Variants in TMPRSS9 observed in about 807,000 individuals in gnomAD.
The protein encoded by TMPRSS9 is transmembrane serine protease 9, also known as transmembrane protease serine 9.
TMPRSS9 carries 113 observed loss-of-function variants against 111.4 expected under a neutral mutation model. The observed-to-expected ratio is 1.01, with a 90% CI of 0.87 to 1.19. TMPRSS9 has a LOEUF of 1.19. Ranked by LOEUF, TMPRSS9 falls within the 50% of genes most tolerant of loss-of-function variation. The probability of loss-of-function intolerance (pLI) is 0.00; values close to 1 mark genes in which losing one functional copy is unlikely to be tolerated. For synonymous variants in TMPRSS9, 805 were observed against 659.1 expected (o/e 1.22, Z -3.39); for missense variants, 1,803 against 1,513.1 (o/e 1.19, Z -3.18).
intron 15 of TMPRSS9, 67 bp downstream of exon 16, chr19:2,424,324 C>G (rs1568194296): frequency 7.8e-7 from 1 of 1,276,050 alleles, no homozygotes. Context: ...AACTGTTGCC[C>G]GAAAACGCAC....
intron 10 of TMPRSS9, among the ~76,000 whole-genome samples, chr19:2,415,192 G>A (rs1348854149): frequency 1.3e-5 from 2 of 151,918 alleles, no homozygotes; most frequent in African/African-American, 2.4e-5. Flanking sequence ...TGATCTGCCC[G>A]CCTTGGCCTC....
At position 2,415,960 on chromosome 19, in the gene TMPRSS9, T is replaced by G. The variant is rs546516567; in HGVS notation, c.1745+119T>G. On this transcript the variant is annotated intron_variant, in intron 11 of 17. Coordinates refer to ENST00000648592, the Ensembl canonical transcript of TMPRSS9. ...CCCCACTGGGGAGCAGCCCTTCCTC[T>G]CCTGAGGGCAGCTGAGAGACAGGAG... 7.1e-5 allele frequency: 86 copies of G among 1,210,968 alleles called. No individual in the cohort carries two copies. In the African/African-American group the frequency reaches 1.3e-3, roughly 18 times the overall value. 75.0% of individuals were successfully genotyped at this position (1,210,968 alleles called of 1,614,324 possible). A position where few individuals can be genotyped will look rare whatever the true frequency, so the allele number is the denominator to read the frequency against.
intron 1 of TMPRSS9, among the ~76,000 whole-genome samples, chr19:2,365,621 CAAAA>C (rs371800974): frequency 7.6e-6 from 1 of 131,068 alleles, no homozygotes; most frequent in East Asian, 1.9e-4. Context: ...AACAAACAAA[CAAAA>C]AAAACAAAAA....
intron 12 of TMPRSS9, 47 bp downstream of exon 13, chr19:2,416,856 C>A (rs746800889): frequency 1.9e-6 from 3 of 1,559,534 alleles, no homozygotes; most frequent in Non-Finnish European, 1.7e-6. Flanking sequence ...TTCTCCAGGG[C>A]CTGGCCTGGG....
At chr19:2,381,832 A>ATTCC (rs1970388824) in intron 1 of TMPRSS9, among the ~76,000 whole-genome samples, 1 of 121,766 alleles carries the variant, frequency 8.2e-6, no homozygotes, top group Admixed American at 9.3e-5. Flanking sequence ...GTATTCATTC[A>ATTCC]TTCATTCATT....
intron 4 of TMPRSS9, 82 bp from the exon 6 acceptor site, chr19:2,401,893 C>T: frequency 1.6e-6 from 2 of 1,236,272 alleles, no homozygotes; most frequent in Admixed American, 2.1e-5. Flanking sequence ...CAGGTGTGAG[C>T]CACCGCGCCC....
chr19:2,396,268 T>C, intron 1 of TMPRSS9: 1 of 362,338 alleles, frequency 2.8e-6, no homozygotes, highest in Non-Finnish European at 5.0e-6. Flanking sequence ...GGGGCTCACT[T>C]GGCACTCATC....
At chr19:2,420,729 C>A (rs1020100177) in intron 13 of TMPRSS9, among the ~76,000 whole-genome samples, 1 of 152,196 alleles carries the variant, frequency 6.6e-6, no homozygotes. Context: ...ATAGCAATGC[C>A]TGTCTTCTAG....
intron 13 of TMPRSS9, among the ~76,000 whole-genome samples, chr19:2,421,589 A>G (rs980663782): frequency 4.0e-5 from 6 of 151,844 alleles, no homozygotes; most frequent in African/African-American, 1.5e-4. Flanking sequence ...GCCTGGCCTT[A>G]TTGTTATTAT....
At chr19:2,411,898 C>T (rs1971103956) in intron 9 of TMPRSS9, among the ~76,000 whole-genome samples, 1 of 152,166 alleles carries the variant, frequency 6.6e-6, no homozygotes, top group East Asian at 1.9e-4. Context: ...TTTCTTCTTT[C>T]AGCCACCTGG....
intron 1 of TMPRSS9, among the ~76,000 whole-genome samples, chr19:2,365,176 C>T (rs1970238962): frequency 6.6e-6 from 1 of 152,036 alleles, no homozygotes; most frequent in African/African-American, 2.4e-5. Flanking sequence ...CCCTTAGTAT[C>T]ACTCATGTTT....
Position 2,374,300 on chromosome 19 carries a change from C to T in TMPRSS9, c.-26+13940C>T, listed in dbSNP as rs1379341109. On this transcript the variant is annotated intron_variant, in intron 1 of 17. Transcript: ENST00000649857. ...TTTTTTTTTTTAAAGAGGTAGGGCG[C>T]GGTGGCTCACGCCTGTAATCCCCGC... 5.9e-5 allele frequency among the ~76,000 whole-genome samples: 7 copies of T among 118,084 alleles called. No individual in the cohort carries two copies. The East Asian group carries it at 8.3e-4, about 14-fold the overall frequency. The allele number at this position is 118,084 out of a possible 152,430, so 77.5% of individuals were successfully genotyped here. A position where few individuals can be genotyped will look rare whatever the true frequency, so the allele number is the denominator to read the frequency against.
chr19:2,391,073 CAGGA>C (rs796203049), intron 1 of TMPRSS9, among the ~76,000 whole-genome samples: 4 of 148,284 alleles, frequency 2.7e-5, no homozygotes, highest in East Asian at 2.0e-4. Context: ...GGCAGGTAGG[CAGGA>C]AGGAAGGAAG....
At chr19:2,385,649 C>G (rs1970462458), upstream of TMPRSS9, among the ~76,000 whole-genome samples, 1 of 151,936 alleles carries the variant, frequency 6.6e-6, no homozygotes, top group African/African-American at 2.4e-5. Context: ...GCCAGGAGTT[C>G]AAGGCCAGAC....
At position 2,418,154 on chromosome 19, in the gene TMPRSS9, G is replaced by A. The variant is rs1412633649; in HGVS notation, c.2154+16G>A. 2 of 1,600,748 alleles carry A rather than the reference G, an allele frequency of 1.2e-6. No individual in the cohort carries two copies. Among genetic ancestry groups the A allele is most frequent in the Admixed American group, 1.7e-5 (1 of 59,188 alleles). ...CTCCTGCCAGGTAAGCATTCAAAGG[G>A]GGAAAGCGGGCAATATTTCCATGAA... On this transcript the variant is annotated intron_variant, in intron 13 of 17. Coordinates refer to ENST00000648592, the Ensembl canonical transcript of TMPRSS9.
Position 2,395,955 on chromosome 19 carries a change from C to T in TMPRSS9, c.143-584C>T, listed in dbSNP as rs554842341. Among the ~76,000 whole-genome samples, 7 of 152,236 alleles carry T rather than the reference C, an allele frequency of 4.6e-5. No individual in the cohort carries two copies. The South Asian group carries it at 1.0e-3, about 23-fold the overall frequency. ...CCCGGGAGGCGCAGCTTGCAGTGAG[C>T]CGAGATTGCGCCACCGCACTCCAGC... On this transcript the variant is annotated intron_variant, in intron 1 of 17. Transcript: ENST00000648592.
In TMPRSS9 at chr19:2,408,646, G is replaced by A. The variant is rs765078228; in HGVS notation, c.1117+16G>A. 2.1e-5 allele frequency: 34 copies of A among 1,601,328 alleles called. No individual in the cohort carries two copies. The highest frequency in any genetic ancestry group is 1.3e-4 in the Admixed American group (8 of 59,766). On this transcript the variant is annotated intron_variant, in intron 8 of 17. Coordinates refer to ENST00000648592, the Ensembl canonical transcript of TMPRSS9. ...GAGGACTTCCGTAAGCATCTTCCTCGGCCTGCAAGTGAGCTCAGGCAGGCA... is the reference window on the plus strand; with the variant it reads ...GAGGACTTCCGTAAGCATCTTCCTCAGCCTGCAAGTGAGCTCAGGCAGGCA...
Position 2,389,984 on chromosome 19 carries a change from C to T in TMPRSS9, c.142+57C>T, listed in dbSNP as rs952231981. On this transcript the variant is annotated intron_variant, in intron 1 of 17. Coordinates refer to ENST00000648592, the Ensembl canonical transcript of TMPRSS9. The stretch of plus-strand genomic sequence containing the variant: ...ATACAAGGGACATGTGCAAAGTCAC[C>T]GGGAAGTGACTTGATGGTGTCTCCT... 41 of 1,559,262 alleles carry T rather than the reference C, an allele frequency of 2.6e-5. No individual in the cohort carries two copies. In the Admixed American group the frequency reaches 4.2e-4, roughly 16 times the overall value.
rs1027376774 is a variant in TMPRSS9 at position 2,374,248 on chromosome 19, CTTTTTTTTTTTTTTT to C, written c.-26+13911_-26+13925del. 8.5e-3 allele frequency among the ~76,000 whole-genome samples: 597 copies of C among 70,424 alleles called. 6 individuals are homozygous for C. The highest frequency in any genetic ancestry group is 0.024 in the African/African-American group (496 of 20,346). 46.2% of individuals were successfully genotyped at this position (70,424 alleles called of 152,430 possible). ...TTTCATGCTGATTTCTCTCAACAAT[CTTTTTTTTTTTTTTT>C]TTTTTTTTTTTTTTTTTTTTTTAAA... On this transcript the variant is annotated intron_variant, in intron 1 of 17. Transcript: ENST00000649857.
Sources: allele counts gnomAD v4.1 joint callset (sites outside exome capture counted in the v4.1 genomes callset), GRCh38; gene constraint gnomAD v4.1.1; transcripts MANE v1.5; gene names NCBI Gene and HGNC (gene_info 2026-07-23, HGNC 2026-07-21).